ANXA10: variants seen among roughly 807,000 people sequenced by gnomAD.
ANXA10 encodes annexin 14.
Under a neutral mutation model 53.5 loss-of-function variants are expected in ANXA10, and 49 were observed. The observed-to-expected ratio is 0.92, with a 90% confidence interval of 0.73 to 1.16. The LOEUF (loss-of-function observed/expected upper bound fraction) is 1.16, where lower values mean the gene tolerates loss of function less well. Ranked by LOEUF, ANXA10 falls within the 50% of genes most tolerant of loss-of-function variation. The pLI, the probability that ANXA10 is intolerant of heterozygous loss-of-function variation, is 0.00. For synonymous variants in ANXA10, 131 were observed against 128.9 expected (o/e 1.02, Z -0.11); for missense variants, 393 against 394.4 (o/e 1.00, Z 0.03).
chr4:168,157,392 C>T (rs1465408270), intron 3 of ANXA10, among the ~76,000 whole-genome samples: 4 of 151,954 alleles, frequency 2.6e-5, no homozygotes, highest in Non-Finnish European at 4.4e-5. Flanking sequence ...CTCAGCCTCC[C>T]GAGTAGCTGG....
At chr4:168,157,353 C>T (rs1390678915) in intron 3 of ANXA10, among the ~76,000 whole-genome samples, 6 of 151,904 alleles carry the variant, frequency 3.9e-5, no homozygotes, top group South Asian at 2.1e-4. Flanking sequence ...CTGCAACCTC[C>T]GCCACCCAGG....
At chr4:168,094,297 G>A (rs1393393570) in intron 1 of ANXA10, among the ~76,000 whole-genome samples, 1 of 152,042 alleles carries the variant, frequency 6.6e-6, no homozygotes, top group East Asian at 1.9e-4. Context: ...GCATACCTAA[G>A]AATCCATTTT....
intron 6 of ANXA10, among the ~76,000 whole-genome samples, chr4:168,175,096 C>G (rs1553958982): frequency 6.6e-6 from 1 of 151,978 alleles, no homozygotes; most frequent in Non-Finnish European, 1.5e-5. Context: ...CTTGGACCTT[C>G]CAAAATTAAG....
intron 1 of ANXA10, among the ~76,000 whole-genome samples, chr4:168,118,403 ACTCTGCAGGGT>A (rs1263441821): frequency 6.6e-6 from 1 of 152,102 alleles, no homozygotes; most frequent in Non-Finnish European, 1.5e-5. Context: ...AGCTATTGTA[ACTCTGCAGGGT>A]CTCACTCACT....
intron 1 of ANXA10, among the ~76,000 whole-genome samples, chr4:168,108,017 A>G (rs61317350): frequency 0.012 from 1,828 of 152,300 alleles, 27 homozygotes; most frequent in African/African-American, 0.041. Flanking sequence ...TCTTGTGTCA[A>G]GGTAAAAATC....
intron 3 of ANXA10, among the ~76,000 whole-genome samples, chr4:168,145,561 C>T (rs571994752): frequency 6.6e-6 from 1 of 152,246 alleles, no homozygotes; most frequent in Admixed American, 6.5e-5. Flanking sequence ...GGAATTGCCT[C>T]GGTTGTAAGT....
intron 3 of ANXA10, among the ~76,000 whole-genome samples, chr4:168,161,855 C>G (rs1217022448): frequency 6.6e-6 from 1 of 152,030 alleles, no homozygotes; most frequent in Non-Finnish European, 1.5e-5. Context: ...CATGATTTGG[C>G]TCTTGGCTTG....
intron 3 of ANXA10, among the ~76,000 whole-genome samples, chr4:168,155,119 ATTAT>A (rs140773395): frequency 0.083 from 12,602 of 151,284 alleles, 812 homozygotes; most frequent in African/African-American, 0.18. Context: ...GTCCTGAAAC[ATTAT>A]TTATTGTTGG....
intron 1 of ANXA10, among the ~76,000 whole-genome samples, chr4:168,094,393 TAATC>T (rs1478392997): frequency 6.6e-6 from 1 of 152,146 alleles, no homozygotes; most frequent in Non-Finnish European, 1.5e-5. Context: ...TGGTTTTACA[TAATC>T]AATATCAGTA....
intron 3 of ANXA10, among the ~76,000 whole-genome samples, chr4:168,158,431 G>C (rs1378013825): frequency 6.6e-6 from 1 of 152,132 alleles, no homozygotes; most frequent in African/African-American, 2.4e-5. Context: ...TTTCAAAGAA[G>C]TTAAATTCAT....
chr4:168,094,915 A>G (rs1730517164), intron 1 of ANXA10, among the ~76,000 whole-genome samples: 1 of 152,114 alleles, frequency 6.6e-6, no homozygotes, highest in African/African-American at 2.4e-5. Flanking sequence ...TCTTTGGTGC[A>G]CTAGTGTATT....
At chr4:168,118,521 A>G (rs1423951017) in intron 1 of ANXA10, among the ~76,000 whole-genome samples, 1 of 152,178 alleles carries the variant, frequency 6.6e-6, no homozygotes, top group Non-Finnish European at 1.5e-5. Flanking sequence ...TAGGGATTCT[A>G]TGATGGCACT....
chr4:168,126,625 C>A (rs1429465414), intron 1 of ANXA10, among the ~76,000 whole-genome samples: 1 of 152,064 alleles, frequency 6.6e-6, no homozygotes, highest in Admixed American at 6.6e-5. Context: ...CCAGCTCTTC[C>A]CCCCACACCT....
In ANXA10 at chr4:168,187,465, C is replaced by G. The variant is rs1287982635; in HGVS notation, c.*31C>G. On this transcript the variant is annotated 3_prime_UTR_variant, in exon 12 of 12. Coordinates refer to ENST00000359299, the MANE Select transcript of ANXA10 (RefSeq NM_007193.5). ...AGAGGACTTGGAGTACTGTGCACTC[C>G]TCTTTCTAGACACTTCCAAATAGAG... 6.9e-7 allele frequency: 1 copy of G among 1,439,360 alleles called. No homozygotes were observed. 89.2% of individuals were successfully genotyped at this position (1,439,360 alleles called of 1,614,324 possible).
intron 2 of ANXA10, among the ~76,000 whole-genome samples, chr4:168,129,949 A>G (rs1253576418): frequency 1.3e-5 from 2 of 152,166 alleles, no homozygotes; most frequent in Non-Finnish European, 2.9e-5. Context: ...GAGATCCTGG[A>G]CAACCGAAGT....
intron 3 of ANXA10, among the ~76,000 whole-genome samples, chr4:168,155,385 A>C: frequency 3.1e-5 from 2 of 64,246 alleles, no homozygotes; most frequent in South Asian, 3.6e-4. Context: ...ATTATATTGA[A>C]TGTATTATAT....
chr4:168,181,651 AT>A, intron 9 of ANXA10, 31 bp from the exon 10 acceptor site: 1 of 1,538,126 alleles, frequency 6.5e-7, no homozygotes, highest in Non-Finnish European at 9.0e-7. Flanking sequence ...TTCACTCTCA[AT>A]GTTTCTTCTT....
intron 1 of ANXA10, among the ~76,000 whole-genome samples, chr4:168,105,026 T>C (rs964510624): frequency 1.3e-5 from 2 of 151,974 alleles, no homozygotes; most frequent in African/African-American, 2.4e-5. Context: ...TAAATGTAGA[T>C]GAGTGAATTT....
chr4:168,144,542 T>C (rs1029823812), intron 3 of ANXA10, among the ~76,000 whole-genome samples: 4 of 152,182 alleles, frequency 2.6e-5, no homozygotes, highest in Admixed American at 6.5e-5. Context: ...AGATATAACT[T>C]CAGTTTTTTT....
Sources: gnomAD v4.1 joint callset for allele counts (sites outside exome capture counted in the v4.1 genomes callset) on GRCh38, gnomAD v4.1.1 for gene constraint, MANE v1.5 for transcripts, NCBI Gene and HGNC (gene_info 2026-07-23, HGNC 2026-07-21) for gene names.